RBM42: variants seen among roughly 807,000 people sequenced by gnomAD.
RBM42 encodes the protein RNA-binding protein 42.
Under a neutral mutation model 41.4 loss-of-function variants are expected in RBM42, and 21 were observed. The observed-to-expected ratio is 0.51, with a 90% CI of 0.36 to 0.73. The LOEUF (loss-of-function observed/expected upper bound fraction) is 0.73. Among genes scored for constraint, RBM42 ranks in the 30% least tolerant of loss-of-function variants. RBM42 has a pLI of 0.00. For missense variants in RBM42, 539 were observed against 680.4 expected (o/e 0.79, Z 2.31); for synonymous variants, 272 against 271.2 (o/e 1.00, Z -0.03).
chr19:35,629,055 C>G lies in RBM42; in HGVS notation c.-99C>G, dbSNP rs548447362. On this transcript the variant is annotated 5_prime_UTR_variant, in exon 1 of 10. Transcript: ENST00000262633. ...CCCGTCGCTTTTGCTGGACGTCATC[C>G]TCGGGAGCCCACCCGGACGAAGGGG... 4.7e-5 allele frequency: 67 copies of G among 1,436,626 alleles called. No individual in the cohort carries two copies. In the African/African-American group the frequency reaches 5.6e-4, roughly 12 times the overall value. 89.0% of individuals were successfully genotyped at this position (1,436,626 alleles called of 1,614,324 possible).
intron 6 of RBM42, 82 bp from the exon 7 acceptor site, chr19:35,633,603 CCT>C (rs1397246478): frequency 7.6e-7 from 1 of 1,319,198 alleles, no homozygotes; most frequent in Non-Finnish European, 9.8e-7. Context: ...GCCCCCAGGC[CCT>C]TTCTTTGTTG....
chr19:35,634,575 T>C (rs1967463754), intron 8 of RBM42, among the ~76,000 whole-genome samples: 1 of 151,894 alleles, frequency 6.6e-6, no homozygotes, highest in Non-Finnish European at 1.5e-5. Flanking sequence ...GACGGGGACA[T>C]GGGGCTTTGT....
chr19:35,636,207 G>A (rs1372787971), intron 8 of RBM42, among the ~76,000 whole-genome samples: 6 of 147,140 alleles, frequency 4.1e-5, no homozygotes, highest in Non-Finnish European at 9.0e-5. Context: ...CACCCAGGTT[G>A]GAGTGCAGTG....
intron 2 of RBM42, among the ~76,000 whole-genome samples, chr19:35,630,842 T>C (rs1337112325): frequency 6.7e-6 from 1 of 150,132 alleles, no homozygotes; most frequent in Admixed American, 6.6e-5. Flanking sequence ...TAGACAGGAG[T>C]TAATGGTGGC....
At chr19:35,636,835 G>T (rs972104628) in intron 8 of RBM42, among the ~76,000 whole-genome samples, 1 of 152,100 alleles carries the variant, frequency 6.6e-6, no homozygotes, top group East Asian at 1.9e-4. Context: ...GGAGGGCAGT[G>T]CAGTTCAAGG....
At position 35,637,676 on chromosome 19, in the gene RBM42, T is replaced by G; in HGVS notation, c.*122T>G. 8.0e-6 allele frequency: 6 copies of G among 754,050 alleles called. No homozygotes were observed. The highest frequency in any genetic ancestry group is 1.1e-5 in the Non-Finnish European group (5 of 457,094). 46.7% of individuals were successfully genotyped at this position (754,050 alleles called of 1,614,324 possible). The stretch of plus-strand genomic sequence containing the variant: ...CAAAACCAGTTTCAATAAATTTACG[T>G]TCATTTCCACCCCTGGCTGGGCATG... On this transcript the variant is annotated 3_prime_UTR_variant, in exon 10 of 10. Coordinates refer to ENST00000262633, the MANE Select transcript of RBM42 (RefSeq NM_024321.5). The surrounding 1 kb of genome is among the most constrained non-coding windows in gnomAD (Gnocchi z 7.0).
Position 35,629,506 on chromosome 19 carries a change from T to C in RBM42, c.129-14T>C. On this transcript the variant is annotated splice_polypyrimidine_tract_variant and intron_variant, in intron 1 of 9. Coordinates refer to ENST00000262633, the MANE Select transcript of RBM42 (RefSeq NM_024321.5). Reference sequence around the variant, plus strand: ...ACGAGGTCCTGAGCGCTGATGTCTGTTCTACTCCTCCAGGTTTGAGCAGGA... The same window carrying C: ...ACGAGGTCCTGAGCGCTGATGTCTGCTCTACTCCTCCAGGTTTGAGCAGGA... 1 of 1,614,072 alleles carries C rather than the reference T, an allele frequency of 6.2e-7. No homozygotes were observed.
intron 4 of RBM42, 27 bp from the exon 5 acceptor site, chr19:35,632,909 A>C: frequency 9.5e-7 from 1 of 1,047,618 alleles, no homozygotes; most frequent in Non-Finnish European, 1.5e-6. Context: ...CCCCCATGAC[A>C]CACACCCCCA....
rs1306872958 is a variant in RBM42, at chr19:35,634,127, GGCGGACACATGT to G, written c.1017+111_1018-115del. ...ACAGCAGGAGGACCTGGGGGAGGGAGGCGGACACATGTGCCCCACATCCAGAAGCACATCCAG... is the reference window on the plus strand; with the variant it reads ...ACAGCAGGAGGACCTGGGGGAGGGAGGCCCCACATCCAGAAGCACATCCAG... On this transcript the variant is annotated intron_variant, in intron 7 of 9. Coordinates refer to ENST00000262633, the MANE Select transcript of RBM42 (RefSeq NM_024321.5). The G allele has an allele frequency of 1.4e-5, 22 of 1,524,436 alleles. No individual in the cohort carries two copies. In the East Asian group the frequency reaches 4.3e-4, roughly 30 times the overall value. The allele number at this position is 1,524,436 out of a possible 1,614,324, so 94.4% of individuals were successfully genotyped here.
intron 8 of RBM42, among the ~76,000 whole-genome samples, chr19:35,635,350 C>T (rs1967479224): frequency 6.6e-6 from 1 of 150,978 alleles, no homozygotes; most frequent in African/African-American, 2.4e-5. Context: ...ATACTTTTTG[C>T]ATATCATAAT....
At chr19:35,629,698 G>A (rs773481616) in intron 2 of RBM42, 25 bp downstream of exon 2, 2 of 1,612,744 alleles carry the variant, frequency 1.2e-6, no homozygotes, top group South Asian at 2.2e-5. Context: ...AGGCATGTAA[G>A]TCAGGGAACA....
intron 6 of RBM42, 80 bp from the exon 7 acceptor site, chr19:35,633,603 CCTTT>C: frequency 7.6e-7 from 1 of 1,319,196 alleles, no homozygotes; most frequent in South Asian, 1.9e-5. Flanking sequence ...GCCCCCAGGC[CCTTT>C]CTTTGTTGGA....
chr19:35,634,636 T>C (rs923068663), intron 8 of RBM42, among the ~76,000 whole-genome samples: 4 of 151,796 alleles, frequency 2.6e-5, no homozygotes, highest in African/African-American at 4.8e-5. Flanking sequence ...TCTTTTTTTT[T>C]CCCAACTCTT....
At position 35,637,043 on chromosome 19, in the gene RBM42, C is replaced by T. The variant is rs1967509811; in HGVS notation, c.1136-115C>T. The T allele has an allele frequency of 1.0e-6, 1 of 957,222 alleles. No individual in the cohort carries two copies. The highest frequency in any genetic ancestry group is 2.7e-5 in the Admixed American group (1 of 37,650). The allele number at this position is 957,222 out of a possible 1,614,324, so 59.3% of individuals were successfully genotyped here. ...GGTCAGTAGGTGTTGACCATTATTA[C>T]TAAGAGGTCCCTAGGCAGAGACTAG... On this transcript the variant is annotated intron_variant, in intron 8 of 9. Coordinates refer to ENST00000262633, the MANE Select transcript of RBM42 (RefSeq NM_024321.5). The surrounding 1 kb of genome is among the most constrained non-coding windows in gnomAD (Gnocchi z 7.0).
At chr19:35,630,732 C>T (rs1967390878) in intron 2 of RBM42, among the ~76,000 whole-genome samples, 1 of 152,152 alleles carries the variant, frequency 6.6e-6, no homozygotes, top group Admixed American at 6.5e-5. Flanking sequence ...TGCCACTGCA[C>T]TCCAGCCTGG....
chr19:35,629,875 C>T (rs1402259568), intron 2 of RBM42, among the ~76,000 whole-genome samples: 2 of 152,140 alleles, frequency 1.3e-5, no homozygotes, highest in African/African-American at 2.4e-5. Context: ...ACATGTTGTC[C>T]AGTAGAGCTT....
chr19:35,630,229 G>C (rs1967383196), intron 2 of RBM42, among the ~76,000 whole-genome samples: 2 of 151,556 alleles, frequency 1.3e-5, no homozygotes, highest in African/African-American at 4.9e-5. Flanking sequence ...CAGGAGAATC[G>C]CTTGAACCCA....
At chr19:35,633,616 G>T in intron 6 of RBM42, 71 bp from the exon 7 acceptor site, 2 of 1,351,270 alleles carry the variant, frequency 1.5e-6, no homozygotes. Flanking sequence ...TTCTTTGTTG[G>T]ATGGAATGGA....
At chr19:35,631,045 C>T (rs1234785591) in intron 2 of RBM42, 95 bp from the exon 3 acceptor site, 2 of 1,109,704 alleles carry the variant, frequency 1.8e-6, no homozygotes, top group Non-Finnish European at 2.7e-6. Context: ...ACATACAGAG[C>T]ACAAAGCATG....
Sources: allele counts gnomAD v4.1 joint callset (sites outside exome capture counted in the v4.1 genomes callset), GRCh38; gene constraint gnomAD v4.1.1; non-coding constraint Gnocchi (gnomAD v3.1); transcripts MANE v1.5; gene names NCBI Gene and HGNC (gene_info 2026-07-23, HGNC 2026-07-21).